SECISBP2: variants seen among roughly 807,000 people sequenced by gnomAD.
SECISBP2 encodes selenocysteine insertion sequence-binding protein 2.
SECISBP2 carries 96 observed loss-of-function variants against 98.2 expected under a neutral mutation model. That is an observed-to-expected ratio of 0.98 (90% CI 0.83 to 1.16). The LOEUF (loss-of-function observed/expected upper bound fraction) is 1.16. Among genes scored for constraint, SECISBP2 ranks in the 50% most tolerant of loss-of-function variants. The pLI is 0.00. For synonymous variants in SECISBP2, 407 were observed against 370.2 expected (o/e 1.10, Z -1.14); for missense variants, 1,046 against 1,022.9 (o/e 1.02, Z -0.31).
At position 89,328,728 on chromosome 9, in the gene SECISBP2, G is replaced by A; in HGVS notation, c.643G>A (p.Glu215Lys). ...AAAAAATGTATCTACCTCCAAACCT[G>A]AGTTTGAATTTACCACACTGGACTT... Reference protein sequence around the residue: ...IAKNVSTSKPEFEFTTLDFPE... With the variant: ...IAKNVSTSKPKFEFTTLDFPE... The change falls in exon 5 of 17, where the codon GAG becomes AAG. Residue 215 changes from glutamate (E) to lysine (K), a missense_variant. Physicochemically the swap from Glu to Lys is moderately conservative, Grantham distance 56 (BLOSUM62 1). Transcript: ENST00000375807. The A allele has an allele frequency of 1.2e-6, 2 of 1,614,188 alleles. No homozygotes were observed. Among genetic ancestry groups the A allele is most frequent in the East Asian group, 2.2e-5 (1 of 44,882 alleles).
chr9:89,343,354 A>G (rs75864128), intron 10 of SECISBP2, among the ~76,000 whole-genome samples: 10,000 of 151,874 alleles, frequency 0.066, 460 homozygotes, highest in Middle Eastern at 0.12. Context: ...TCTTTTTTTT[A>G]AACTTTTATT....
At position 89,341,428 on chromosome 9, in the gene SECISBP2, A is replaced by C. The variant is rs748575962; in HGVS notation, c.1384A>C (p.Lys462Gln). ...GGGCATGCTGACAGCCCTGGAGAAG[A>C]AGCAGCACTCTCAGCATGCAAAGCA... ...LGGMLTALEK[K>Q]QHSQHAKQSS... is the part of the protein sequence containing the mutation. Residue 462 changes from lysine to glutamine, a missense_variant, in exon 10 of 17, where the codon AAG (lysine) becomes CAG (glutamine). By Grantham distance (53) the Lys-to-Gln change is moderately conservative (BLOSUM62 1). Coordinates refer to ENST00000375807, the MANE Select transcript of SECISBP2 (RefSeq NM_024077.5). The C allele has an allele frequency of 2.4e-5, 39 of 1,614,028 alleles. No individual in the cohort carries two copies. The highest frequency in any genetic ancestry group is 1.6e-4 in the Middle Eastern group (1 of 6,084).
intron 13 of SECISBP2, 43 bp downstream of exon 13, chr9:89,349,972 G>T: frequency 6.2e-7 from 1 of 1,610,620 alleles, no homozygotes; most frequent in Admixed American, 1.7e-5. Context: ...GAAGATGGAA[G>T]TGCTTCGGTT....
Position 89,349,901 on chromosome 9 carries a change from C to T in SECISBP2, c.1864C>T (p.Pro622Ser), listed in dbSNP as rs1831007501. The T allele has an allele frequency of 1.2e-6, 2 of 1,614,240 alleles. No individual in the cohort carries two copies. Among genetic ancestry groups the T allele is most frequent in the Admixed American group, 1.7e-5 (1 of 60,026 alleles). The change falls in exon 13 of 17, where the codon CCT becomes TCT. Residue 622 changes from proline (P) to serine (S), a missense_variant. Physicochemically the swap from Pro to Ser is moderately conservative, Grantham distance 74. Coordinates refer to ENST00000375807, the MANE Select transcript of SECISBP2 (RefSeq NM_024077.5). ...CCTTGCTCCCAATCACACCACCTTC[C>T]CTAAGATCCACAGCCGCAGATTCAG... ...SHLAPNHTTF[P>S]KIHSRRFRDY...
intron 7 of SECISBP2, among the ~76,000 whole-genome samples, chr9:89,336,098 T>TTTTTTTTTTTTTTTTTTC (rs1554720217): frequency 1.4e-5 from 2 of 138,612 alleles, no homozygotes; most frequent in Non-Finnish European, 3.1e-5. Flanking sequence ...TTTTTTTTTT[T>TTTTTTTTTTTTTTTTTTC]TTTTTTTTTT....
chr9:89,352,507 C>T (rs1588004675), intron 14 of SECISBP2, among the ~76,000 whole-genome samples: 2 of 152,148 alleles, frequency 1.3e-5, no homozygotes, highest in Non-Finnish European at 2.9e-5. Context: ...CATTTTGCAC[C>T]TCGTGCTCTC....
chr9:89,365,935 G>C, the SECISBP2 span, among the ~76,000 whole-genome samples: 1 of 152,272 alleles, frequency 6.6e-6, no homozygotes, highest in African/African-American at 2.4e-5. Context: ...CCGGTCTCTT[G>C]GTCAACAATT....
At chr9:89,349,688 T>C in intron 12 of SECISBP2, 88 bp from the exon 13 acceptor site, 2 of 1,387,562 alleles carry the variant, frequency 1.4e-6, no homozygotes, top group East Asian at 4.6e-5. Context: ...AGGGGTCTGG[T>C]TGCATCGGTG....
chr9:89,340,098 C>G, intron 9 of SECISBP2, 145 bp downstream of exon 9: 1 of 642,490 alleles, frequency 1.6e-6, no homozygotes, highest in Non-Finnish European at 2.8e-6. Context: ...AGAACTGCAC[C>G]CAGCATGTTG....
At chr9:89,352,370 T>G (rs1251748378) in intron 14 of SECISBP2, among the ~76,000 whole-genome samples, 1 of 152,074 alleles carries the variant, frequency 6.6e-6, no homozygotes, top group Non-Finnish European at 1.5e-5. Context: ...ATGGACTTCT[T>G]CTTGGGCTGC....
At position 89,325,666 on chromosome 9, in the gene SECISBP2, C is replaced by G. The variant is rs62638730; in HGVS notation, c.422C>G (p.Ala141Gly). The G allele has an allele frequency of 6.2e-7, 1 of 1,614,110 alleles. No homozygotes were observed. Among genetic ancestry groups the G allele is most frequent in the South Asian group, 1.1e-5 (1 of 91,076 alleles). ...NTCPLPQEMK[A>G]LFKKKTYDEK... ...TGCCCTCTCCCACAAGAAATGAAAG[C>G]TCTGTTTAAGGTGAGTAGTGATGTT... The change falls in exon 3 of 17, where the codon GCT becomes GGT. Residue 141 changes from alanine (A) to glycine (G), a missense_variant. By Grantham distance (60) the Ala-to-Gly change is moderately conservative. Transcript: ENST00000375807.
At chr9:89,346,764 G>C (rs1029066749) in intron 10 of SECISBP2, 118 bp from the exon 11 acceptor site, 13 of 1,071,876 alleles carry the variant, frequency 1.2e-5, no homozygotes, top group Non-Finnish European at 1.9e-5. Context: ...GACAAGCTGG[G>C]GGTGACTTGG....
intron 2 of SECISBP2, chr9:89,325,022 G>A: frequency 3.4e-6 from 1 of 291,334 alleles, no homozygotes; most frequent in South Asian, 3.3e-5. Flanking sequence ...GGGAAGGGCT[G>A]GAGAAAACCA....
chr9:89,347,190 C>T (rs190138565), intron 11 of SECISBP2, 142 bp downstream of exon 11: 1 of 845,308 alleles, frequency 1.2e-6, no homozygotes, highest in East Asian at 2.7e-5. Flanking sequence ...TAATGATACT[C>T]CAACAAATGA....
chr9:89,330,031 ATCATT>A (rs1421566089), intron 5 of SECISBP2: 6 of 152,174 alleles, frequency 3.9e-5, no homozygotes, highest in Non-Finnish European at 7.4e-5. Flanking sequence ...TTTCTTCACC[ATCATT>A]TCATTATGAT....
At chr9:89,363,800 G>A, downstream of SECISBP2, 1 of 1,614,014 alleles carries the variant, frequency 6.2e-7, no homozygotes, top group Non-Finnish European at 8.5e-7. Context: ...GGAGAGGACA[G>A]AGCAGCGATA....
At chr9:89,350,312 C>T (rs1831087197) in intron 13 of SECISBP2, among the ~76,000 whole-genome samples, 3 of 152,206 alleles carry the variant, frequency 2.0e-5, no homozygotes, top group Non-Finnish European at 4.4e-5. Context: ...ACTTTTCTTC[C>T]AGGATAGTCT....
intron 14 of SECISBP2, among the ~76,000 whole-genome samples, 195 bp downstream of exon 14, chr9:89,351,047 G>T (rs1294040927): frequency 6.6e-6 from 1 of 152,234 alleles, no homozygotes; most frequent in African/African-American, 2.4e-5. Context: ...CTGTAGGGCA[G>T]GTGGGTCCTG....
At chr9:89,351,456 G>A (rs1440486001) in intron 14 of SECISBP2, among the ~76,000 whole-genome samples, 2 of 152,062 alleles carry the variant, frequency 1.3e-5, no homozygotes, top group Non-Finnish European at 2.9e-5. Flanking sequence ...TTGTGTCCTC[G>A]AATTGAGCAA....
Sources: allele counts gnomAD v4.1 joint callset (sites outside exome capture counted in the v4.1 genomes callset), GRCh38; gene constraint gnomAD v4.1.1; transcripts MANE v1.5; gene names NCBI Gene and HGNC (gene_info 2026-07-23, HGNC 2026-07-21).